PTPRQ: variants seen among roughly 807,000 people sequenced by gnomAD.
PTPRQ encodes phosphatidylinositol phosphatase PTPRQ.
PTPRQ carries 199 observed loss-of-function variants against 246.0 expected under a neutral mutation model. That is an observed-to-expected ratio of 0.81 (90% CI 0.72 to 0.91). The LOEUF (loss-of-function observed/expected upper bound fraction) is 0.91, where lower values mean the gene tolerates loss of function less well. Among genes scored for constraint, PTPRQ ranks in the 40% least tolerant of loss-of-function variants. The probability of loss-of-function intolerance (pLI) is 0.00; values close to 1 mark genes in which losing one functional copy is unlikely to be tolerated. For missense variants in PTPRQ, 2,624 were observed against 2,528.4 expected (o/e 1.04, Z -0.81); for synonymous variants, 869 against 853.2 (o/e 1.02, Z -0.32).
rs1800794122 is a variant in PTPRQ, at chr12:80,445,596, T to C, written c.269T>C (p.Ile90Thr). The C allele has an allele frequency of 6.5e-7, 1 of 1,549,116 alleles. No homozygotes were observed. The highest frequency in any genetic ancestry group is 8.7e-7 in the Non-Finnish European group (1 of 1,145,054). The part of the protein sequence containing the change: ...PNPNGRIISY[I>T]VKYKEVCPWM... ...CCAAATGGAAGGATTATATCTTACA[T>C]TGTCAAATATAAGGAAGTTTGTCCG... The change falls in exon 3 of 45, where the codon ATT becomes ACT. Residue 90 changes from isoleucine (I) to threonine (T), a missense_variant. Transcript: ENST00000644991.
intron 3 of PTPRQ, among the ~76,000 whole-genome samples, chr12:80,450,992 T>C (rs537052231): frequency 1.3e-5 from 2 of 152,350 alleles, no homozygotes; most frequent in East Asian, 3.9e-4. Flanking sequence ...AATTCGGCTG[T>C]GAATCCGTCT....
At chr12:80,668,890 G>A (rs1319576159) in intron 39 of PTPRQ, 117 bp from the exon 40 acceptor site, 41 of 1,297,790 alleles carry the variant, frequency 3.2e-5, no homozygotes, top group African/African-American at 6.1e-5. Flanking sequence ...TAGTATTTAC[G>A]GTATTCTAAA....
chr12:80,452,592 C>G (rs535029041), intron 3 of PTPRQ, among the ~76,000 whole-genome samples: 2 of 152,142 alleles, frequency 1.3e-5, no homozygotes, highest in African/African-American at 2.4e-5. Flanking sequence ...ATTTGTTTGT[C>G]TATAATGGTT....
At chr12:80,561,628 C>T (rs911548601) in intron 25 of PTPRQ, 7 of 152,064 alleles carry the variant, frequency 4.6e-5, no homozygotes, top group African/African-American at 7.2e-5. Context: ...ACTGGCTTCT[C>T]GGTGGTATTC....
At chr12:80,590,555 C>A (rs939767121) in intron 26 of PTPRQ, among the ~76,000 whole-genome samples, 3 of 151,034 alleles carry the variant, frequency 2.0e-5, no homozygotes, top group Admixed American at 6.6e-5. Context: ...GTAGTCCCAG[C>A]TACTCGGGAG....
intron 8 of PTPRQ, among the ~76,000 whole-genome samples, chr12:80,476,522 A>G (rs1893816658): frequency 6.6e-6 from 1 of 152,202 alleles, no homozygotes; most frequent in Non-Finnish European, 1.5e-5. Flanking sequence ...TCATGAAGAC[A>G]AAGGAAAAAA....
At position 80,586,372 on chromosome 12, in the gene PTPRQ, C is replaced by A. The variant is rs527999299; in HGVS notation, c.4286-1757C>A. Among the ~76,000 whole-genome samples, 78 of 151,072 alleles carry A rather than the reference C, an allele frequency of 5.2e-4. 1 individual carries two copies. The highest frequency in any genetic ancestry group is 1.9e-3 in the African/African-American group (76 of 41,078). On this transcript the variant is annotated intron_variant, in intron 25 of 44. Coordinates refer to ENST00000644991, the MANE Select transcript of PTPRQ (RefSeq NM_001145026.2). ...TACCATCTCACACCAGTTAGAATGG[C>A]AATCATTAAAAAGTCAGGAAACAAC...
chr12:80,497,005 GC>G (rs967621106), intron 14 of PTPRQ, among the ~76,000 whole-genome samples: 6 of 151,878 alleles, frequency 4.0e-5, no homozygotes, highest in Admixed American at 1.3e-4. Context: ...GTTGGAATGG[GC>G]AGAAGGATGT....
At chr12:80,449,659 C>A (rs1028443013) in intron 3 of PTPRQ, among the ~76,000 whole-genome samples, 1 of 151,974 alleles carries the variant, frequency 6.6e-6, no homozygotes, top group Non-Finnish European at 1.5e-5. Flanking sequence ...TTGTTTTTCT[C>A]AGGTTTGTCA....
At chr12:80,535,973 G>T in intron 19 of PTPRQ, among the ~76,000 whole-genome samples, 1 of 152,156 alleles carries the variant, frequency 6.6e-6, no homozygotes, top group East Asian at 1.9e-4. Flanking sequence ...CAGGCGTCGT[G>T]GCAGGCGCCT....
At chr12:80,491,214 A>C (rs1422514607) in intron 9 of PTPRQ, among the ~76,000 whole-genome samples, 2 of 151,968 alleles carry the variant, frequency 1.3e-5, no homozygotes, top group Non-Finnish European at 2.9e-5. Context: ...TGAGAGATTT[A>C]ATGCAAAACC....
chr12:80,499,748 A>G (rs2120671587), intron 14 of PTPRQ, among the ~76,000 whole-genome samples: 1 of 151,874 alleles, frequency 6.6e-6, no homozygotes, highest in South Asian at 2.1e-4. Context: ...AGCAGGAAAG[A>G]TCAATACAAG....
chr12:80,546,801 T>A, intron 24 of PTPRQ, 104 bp downstream of exon 24: 1 of 1,372,088 alleles, frequency 7.3e-7, no homozygotes, highest in South Asian at 1.5e-5. Flanking sequence ...AAGAGTCTAC[T>A]CAAAGGGAAA....
At chr12:80,646,486 G>T (rs1900077539) in intron 35 of PTPRQ, among the ~76,000 whole-genome samples, 1 of 152,050 alleles carries the variant, frequency 6.6e-6, no homozygotes, top group South Asian at 2.1e-4. Flanking sequence ...CCCCCTTGAG[G>T]GGTGAGGGAG....
chr12:80,621,976 T>C, intron 32 of PTPRQ, 85 bp from the exon 33 acceptor site: 1 of 940,318 alleles, frequency 1.1e-6, no homozygotes, highest in Non-Finnish European at 1.5e-6. Context: ...ATTAAATAAA[T>C]AGTTTTTATA....
chr12:80,618,281 G>A (rs1469551309), intron 30 of PTPRQ, among the ~76,000 whole-genome samples: 1 of 150,304 alleles, frequency 6.7e-6, no homozygotes, highest in Non-Finnish European at 1.5e-5. Flanking sequence ...GGATTATTGA[G>A]AAGCTTTTTA....
intron 3 of PTPRQ, among the ~76,000 whole-genome samples, chr12:80,454,274 C>A (rs1892887708): frequency 6.7e-6 from 1 of 150,270 alleles, no homozygotes; most frequent in African/African-American, 2.5e-5. Context: ...CCATCTGTCA[C>A]CCCTTTCTTT....
At chr12:80,654,693 C>CAAAAAAA (rs57224729) in intron 38 of PTPRQ, among the ~76,000 whole-genome samples, 4 of 112,102 alleles carry the variant, frequency 3.6e-5, no homozygotes, top group South Asian at 2.7e-4. Flanking sequence ...ACTAAAAATC[C>CAAAAAAA]AAAAAAAAAA....
intron 6 of PTPRQ, among the ~76,000 whole-genome samples, chr12:80,465,690 G>T (rs1243781789): frequency 1.3e-5 from 2 of 152,052 alleles, no homozygotes; most frequent in Admixed American, 6.6e-5. Context: ...GGGATGCAAG[G>T]CTGGTTCAAT....
Sources: gnomAD v4.1 joint callset for allele counts (sites outside exome capture counted in the v4.1 genomes callset) on GRCh38, gnomAD v4.1.1 for gene constraint, MANE v1.5 for transcripts, NCBI Gene and HGNC (gene_info 2026-07-23, HGNC 2026-07-21) for gene names.